ZNF277: variants seen among roughly 807,000 people sequenced by gnomAD.
The protein encoded by ZNF277 is nuclear receptor-interacting factor 4.
ZNF277 carries 55 observed loss-of-function variants against 60.7 expected under a neutral mutation model. That is an observed-to-expected ratio of 0.91 (90% CI 0.73 to 1.13). The LOEUF (loss-of-function observed/expected upper bound fraction) is 1.13. Among genes scored for constraint, ZNF277 ranks in the 50% most tolerant of loss-of-function variants. The probability of loss-of-function intolerance (pLI) is 0.00; values close to 1 mark genes in which losing one functional copy is unlikely to be tolerated. For missense variants in ZNF277, 510 were observed against 523.0 expected (o/e 0.98, Z 0.24); for synonymous variants, 178 against 179.3 (o/e 0.99, Z 0.06).
intron 3 of ZNF277, 57 bp downstream of exon 3, chr7:112,296,014 A>G: frequency 1.6e-6 from 2 of 1,283,696 alleles, no homozygotes; most frequent in South Asian, 2.4e-5. Context: ...TCAAAGGAAT[A>G]ATCTTACTGT....
At chr7:112,290,133 T>A (rs1365911286) in intron 2 of ZNF277, among the ~76,000 whole-genome samples, 1 of 152,222 alleles carries the variant, frequency 6.6e-6, no homozygotes, top group Non-Finnish European at 1.5e-5. Flanking sequence ...GCCATGAAAC[T>A]GTTCTTTTAT....
At chr7:112,218,581 C>T (rs1217609342) in intron 1 of ZNF277, among the ~76,000 whole-genome samples, 2 of 152,122 alleles carry the variant, frequency 1.3e-5, no homozygotes, top group African/African-American at 4.8e-5. Context: ...TTTTTCCTGA[C>T]TGAAATTTTG....
chr7:112,320,308 T>C (rs1792947545), intron 5 of ZNF277, among the ~76,000 whole-genome samples: 1 of 152,118 alleles, frequency 6.6e-6, no homozygotes, highest in Non-Finnish European at 1.5e-5. Context: ...CATTGTTCTG[T>C]AGTAAATGCA....
rs1470084360 is a variant in ZNF277 at position 112,334,862 on chromosome 7, A to G, written c.802-1242A>G. Among the ~76,000 whole-genome samples the G allele has an allele frequency of 3.9e-5, 6 of 152,286 alleles. 1 individual carries two copies. Among genetic ancestry groups the G allele is most frequent in the African/African-American group, 1.2e-4 (5 of 41,564 alleles). ...TTCATTACCAAACTTTCTAACAAGC[A>G]TCTTGTTGGCAGTGTTGAGGCCATT... On this transcript the variant is annotated intron_variant, in intron 7 of 11. Transcript: ENST00000361822.
chr7:112,223,728 T>C (rs1313628528), intron 1 of ZNF277, among the ~76,000 whole-genome samples: 1 of 152,202 alleles, frequency 6.6e-6, no homozygotes, highest in Non-Finnish European at 1.5e-5. Flanking sequence ...GAAGCAGGGA[T>C]ATAAGCAGAG....
In ZNF277 at chr7:112,343,296, A is replaced by G. The variant is rs1178110814; in HGVS notation, c.*567A>G. 2.0e-5 allele frequency among the ~76,000 whole-genome samples: 3 copies of G among 152,194 alleles called. No individual in the cohort carries two copies. The highest frequency in any genetic ancestry group is 4.4e-5 in the Non-Finnish European group (3 of 68,032). On this transcript the variant is annotated 3_prime_UTR_variant, in exon 12 of 12. Coordinates refer to ENST00000361822, the MANE Select transcript of ZNF277 (RefSeq NM_021994.3). ...ATCAAGAGCTGACTGTGTTATTACC[A>G]CTTTCTGCCTAGGGTGGCCAAATTC...
intron 1 of ZNF277, among the ~76,000 whole-genome samples, chr7:112,239,695 A>G (rs1790897813): frequency 6.6e-6 from 1 of 152,222 alleles, no homozygotes; most frequent in Admixed American, 6.5e-5. Context: ...AGTCTGAAAG[A>G]AAAGGATGTT....
chr7:112,213,308 T>C (rs1821802500), intron 1 of ZNF277, among the ~76,000 whole-genome samples: 2 of 152,208 alleles, frequency 1.3e-5, no homozygotes, highest in Non-Finnish European at 2.9e-5. Context: ...CTTTCTTTTG[T>C]AAATTGCCCA....
chr7:112,222,853 AC>A (rs1822069533), intron 1 of ZNF277, among the ~76,000 whole-genome samples: 1 of 152,134 alleles, frequency 6.6e-6, no homozygotes. Flanking sequence ...AGGCAGACCC[AC>A]CCTTAATCTG....
chr7:112,223,895 T>A (rs1365282745), intron 1 of ZNF277, among the ~76,000 whole-genome samples: 1 of 152,232 alleles, frequency 6.6e-6, no homozygotes, highest in Non-Finnish European at 1.5e-5. Context: ...CTGCCCTTGT[T>A]AATAAAGTCA....
chr7:112,335,966 C>A, intron 7 of ZNF277, 138 bp from the exon 8 acceptor site: 2 of 553,230 alleles, frequency 3.6e-6, no homozygotes, highest in Non-Finnish European at 6.2e-6. Flanking sequence ...TCTGTATATC[C>A]TACTTGTACT....
Position 112,290,118 on chromosome 7 carries a change from G to C in ZNF277, c.293+3044G>C, listed in dbSNP as rs1010026429. 5.9e-5 allele frequency among the ~76,000 whole-genome samples: 9 copies of C among 152,166 alleles called. No homozygotes were observed. In the East Asian group the frequency reaches 1.7e-3, roughly 29 times the overall value. Reference sequence around the variant, plus strand: ...TGGGATTACAGGTGTGAGCCACCGTGCCTAGCCATGAAACTGTTCTTTTAT... The same window carrying C: ...TGGGATTACAGGTGTGAGCCACCGTCCCTAGCCATGAAACTGTTCTTTTAT... On this transcript the variant is annotated intron_variant, in intron 2 of 11. Transcript: ENST00000361822.
intron 1 of ZNF277, among the ~76,000 whole-genome samples, chr7:112,249,360 C>T (rs1791150180): frequency 6.6e-6 from 1 of 152,108 alleles, no homozygotes; most frequent in South Asian, 2.1e-4. Context: ...TAGGGGTTCC[C>T]TCTTAAACTG....
intron 1 of ZNF277, among the ~76,000 whole-genome samples, chr7:112,251,396 A>G (rs1791197799): frequency 6.6e-6 from 1 of 152,184 alleles, no homozygotes. Context: ...GATAATTTGG[A>G]GAGAGTTCCA....
intron 2 of ZNF277, among the ~76,000 whole-genome samples, chr7:112,291,840 G>A (rs973525662): frequency 1.6e-4 from 24 of 152,104 alleles, no homozygotes; most frequent in African/African-American, 5.8e-4. Flanking sequence ...TGTTGTTGTT[G>A]TCTATAGTAT....
Position 112,206,790 on chromosome 7 carries a change from G to C in ZNF277, c.74G>C (p.Gly25Ala), listed in dbSNP as rs747402620. ...CGTGATGGGAGCTGCAGCACAGTCGGGGGTGTAGGTTATGGGGGTGAGTAC... is the reference window on the plus strand; with the variant it reads ...CGTGATGGGAGCTGCAGCACAGTCGCGGGTGTAGGTTATGGGGGTGAGTAC... ...EDRDGSCSTV[G>A]GVGYGDSKDC... The change falls in exon 1 of 12, where the codon GGG (glycine) becomes GCG (alanine). Residue 25 changes from glycine to alanine, a missense_variant. Gly to Ala is a moderately conservative substitution (Grantham distance 60). Transcript: ENST00000361822. The C allele has an allele frequency of 6.2e-7, 1 of 1,613,446 alleles. No homozygotes were observed. The highest frequency in any genetic ancestry group is 8.5e-7 in the Non-Finnish European group (1 of 1,179,756).
chr7:112,298,618 C>T (rs3948719), intron 4 of ZNF277, among the ~76,000 whole-genome samples: 49,520 of 152,006 alleles, frequency 0.33, 10,643 homozygotes, highest in African/African-American at 0.61. Flanking sequence ...AATGTAGCTG[C>T]GTATAAATCC....
intron 1 of ZNF277, among the ~76,000 whole-genome samples, chr7:112,230,923 G>A (rs373267101): frequency 5.9e-5 from 9 of 152,022 alleles, no homozygotes; most frequent in African/African-American, 9.7e-5. Flanking sequence ...CTTTAAAATC[G>A]TGTGTTTGTG....
chr7:112,342,771 T>G lies in ZNF277; in HGVS notation c.*42T>G. On this transcript the variant is annotated 3_prime_UTR_variant, in exon 12 of 12. Coordinates refer to ENST00000361822, the MANE Select transcript of ZNF277 (RefSeq NM_021994.3). The stretch of plus-strand genomic sequence containing the variant: ...AGAAGAAACTACCACAGAAGCAATT[T>G]TTCATGTTTTTCTCCTATGAGACAG... The G allele has an allele frequency of 7.1e-7, 1 of 1,411,782 alleles. No homozygotes were observed. The highest frequency in any genetic ancestry group is 9.4e-7 in the Non-Finnish European group (1 of 1,069,154). 87.5% of individuals were successfully genotyped at this position (1,411,782 alleles called of 1,614,324 possible). A position where few individuals can be genotyped will look rare whatever the true frequency, so the allele number is the denominator to read the frequency against.
Sources: gnomAD v4.1 joint callset for allele counts (sites outside exome capture counted in the v4.1 genomes callset) on GRCh38, gnomAD v4.1.1 for gene constraint, MANE v1.5 for transcripts, NCBI Gene and HGNC (gene_info 2026-07-23, HGNC 2026-07-21) for gene names.